Variants in INPP5D observed in about 807,000 individuals in gnomAD.
The protein encoded by INPP5D is inositol polyphosphate-5-phosphatase D.
A neutral mutation model predicts 122.9 loss-of-function variants in INPP5D; 33 were observed. The observed-to-expected ratio is 0.27, with a 90% CI of 0.20 to 0.36. The LOEUF (loss-of-function observed/expected upper bound fraction) is 0.36. INPP5D is among the 10% of genes least tolerant of loss of function. The pLI is 1.00. For missense variants in INPP5D, 1,053 were observed against 1,412.7 expected (o/e 0.75, Z 4.08); for synonymous variants, 584 against 576.2 (o/e 1.01, Z -0.19).
At position 233,170,009 on chromosome 2, in the gene INPP5D, C is replaced by CT; in HGVS notation, c.1653-12dup. The CT allele has an allele frequency of 6.2e-7, 1 of 1,614,004 alleles. No individual in the cohort carries two copies. The highest frequency in any genetic ancestry group is 2.2e-5 in the East Asian group (1 of 44,888). ...CCAGTGACCCCGTGCTAGATGGCCG[C>CT]TTTTTCCTTGCATTAGGCGAAACCA... On this transcript the variant is annotated splice_polypyrimidine_tract_variant and intron_variant, in intron 14 of 26. Coordinates refer to ENST00000445964, the MANE Select transcript of INPP5D (RefSeq NM_001017915.3). This position sits in a 1 kb window ranked among gnomAD's most constrained non-coding sequence, Gnocchi z 4.5.
chr2:233,162,210 G>T (rs1251584309), intron 11 of INPP5D, among the ~76,000 whole-genome samples: 1 of 148,050 alleles, frequency 6.8e-6, no homozygotes. Flanking sequence ...CCTGAGTAGG[G>T]TTGCCAGATT....
At position 233,163,858 on chromosome 2, in the gene INPP5D, C is replaced by G. The variant is rs567362809; in HGVS notation, c.1392C>G (p.Ile464Met). The change falls in exon 12 of 27, where the codon ATC (isoleucine) becomes ATG (methionine). Residue 464 changes from isoleucine to methionine, a missense_variant. Physicochemically the swap from Ile to Met is conservative, Grantham distance 10. This residue lies in a region of INPP5D where 105 missense variants were observed against 199.8 expected (regional missense o/e 0.53). Coordinates refer to ENST00000445964, the MANE Select transcript of INPP5D (RefSeq NM_001017915.3). ...DPLSEKEWLE[I>M]LKHSLQEITS... ...TGAGTGAGAAGGAGTGGCTGGAGAT[C>G]CTCAAACACTCCCTGCAAGAAATCA... is the stretch of plus-strand genomic sequence containing the variant. 1 of 1,613,914 alleles carries G rather than the reference C, an allele frequency of 6.2e-7. No homozygotes were observed. The highest frequency in any genetic ancestry group is 1.3e-5 in the African/African-American group (1 of 75,040).
At chr2:233,146,009 T>G (rs2106278815) in intron 6 of INPP5D, 153 bp from the exon 7 acceptor site, 1 of 702,296 alleles carries the variant, frequency 1.4e-6, no homozygotes, top group Non-Finnish European at 2.6e-6. Flanking sequence ...TAGAGATCCC[T>G]GTGTCCTCAT....
intron 22 of INPP5D, 47 bp from the exon 23 acceptor site, chr2:233,193,765 A>T (rs774260904): frequency 1.2e-6 from 2 of 1,612,954 alleles, no homozygotes; most frequent in Admixed American, 3.3e-5. Flanking sequence ...TGTTTCTGCC[A>T]TGAAAAGGCA....
chr2:233,189,812 TGCC>T lies in INPP5D; in HGVS notation c.2359-37_2359-35del. On this transcript the variant is annotated intron_variant, in intron 21 of 26. Coordinates refer to ENST00000445964, the MANE Select transcript of INPP5D (RefSeq NM_001017915.3). This position sits in a 1 kb window ranked among gnomAD's most constrained non-coding sequence, Gnocchi z 5.6. ...CCCACCTGTCCCCTCACCTGTCCCT[TGCC>T]CATCAACTCCAGTCCTGTGCCCTTC... 6.2e-7 allele frequency: 1 copy of T among 1,606,166 alleles called. No homozygotes were observed. The highest frequency in any genetic ancestry group is 8.5e-7 in the Non-Finnish European group (1 of 1,176,584).
intron 1 of INPP5D, among the ~76,000 whole-genome samples, chr2:233,077,679 A>C (rs1192362650): frequency 6.0e-5 from 9 of 150,664 alleles, no homozygotes; most frequent in South Asian, 2.1e-4. Flanking sequence ...AAAAAAAAAA[A>C]AAAAAAACTC....
intron 2 of INPP5D, among the ~76,000 whole-genome samples, chr2:233,102,088 G>A (rs1297347087): frequency 1.3e-5 from 2 of 152,030 alleles, no homozygotes; most frequent in African/African-American, 2.4e-5. Context: ...CTTCATTCAC[G>A]GCCAAGGAAA....
chr2:233,204,994 G>C, intron 26 of INPP5D: 1 of 442,654 alleles, frequency 2.3e-6, no homozygotes, highest in Non-Finnish European at 3.9e-6. Context: ...GAAAGGCGGG[G>C]CTGTGGATAA....
chr2:233,069,872 C>G (rs1386489924), intron 1 of INPP5D, among the ~76,000 whole-genome samples: 1 of 152,118 alleles, frequency 6.6e-6, no homozygotes, highest in Non-Finnish European at 1.5e-5. Flanking sequence ...GATCGAGGGA[C>G]AGGAATGTTT....
intron 13 of INPP5D, among the ~76,000 whole-genome samples, chr2:233,168,379 T>C (rs888730745): frequency 6.6e-6 from 1 of 152,258 alleles, no homozygotes; most frequent in Admixed American, 6.5e-5. Flanking sequence ...TGTGCCTGTA[T>C]TGGACAGAGC....
chr2:233,179,792 A>G (rs1694737749), intron 18 of INPP5D, among the ~76,000 whole-genome samples: 1 of 152,262 alleles, frequency 6.6e-6, no homozygotes, highest in African/African-American at 2.4e-5. Context: ...TCCAGAGCTC[A>G]GGAAACAGGG....
intron 2 of INPP5D, among the ~76,000 whole-genome samples, chr2:233,113,985 A>G (rs965243403): frequency 7.0e-6 from 1 of 142,182 alleles, no homozygotes. Context: ...ATCTCAGCTC[A>G]CTGCAAGCTC....
At chr2:233,091,807 A>AT (rs1692001925) in intron 2 of INPP5D, among the ~76,000 whole-genome samples, 1 of 152,188 alleles carries the variant, frequency 6.6e-6, no homozygotes, top group African/African-American at 2.4e-5. Context: ...TTGATTCTGT[A>AT]TTGACTCACT....
intron 2 of INPP5D, among the ~76,000 whole-genome samples, chr2:233,111,365 CGCACACACACACAT>C (rs1214325374): frequency 1.3e-5 from 2 of 152,138 alleles, no homozygotes; most frequent in Admixed American, 6.6e-5. Flanking sequence ...CACACACACA[CGCACACACACACAT>C]ATAATTTCCC....
rs1574802658 is a variant in INPP5D, at chr2:233,195,430, T to G, written c.2628T>G (p.Ser876Arg). Residue 876 changes from serine to arginine, a missense_variant, in exon 24 of 27, where the codon AGT (serine) becomes AGG (arginine). Ser to Arg is a moderately radical substitution (Grantham distance 110). Coordinates refer to ENST00000445964, the MANE Select transcript of INPP5D (RefSeq NM_001017915.3). ...DFVKTERDES[S>R]GPKTLKSLTS... ...TGAAGACGGAGCGTGATGAATCCAG[T>G]GGGCCAAAGACCCTGAAGAGCCTCA... 6.2e-7 allele frequency: 1 copy of G among 1,610,618 alleles called. No homozygotes were observed. Among genetic ancestry groups the G allele is most frequent in the Non-Finnish European group, 8.5e-7 (1 of 1,178,070 alleles).
intron 10 of INPP5D, among the ~76,000 whole-genome samples, chr2:233,161,479 C>T (rs374647977): frequency 1.3e-5 from 2 of 152,260 alleles, no homozygotes; most frequent in African/African-American, 2.4e-5. Context: ...GCTGCAGAGC[C>T]GTGACAGGGT....
intron 23 of INPP5D, among the ~76,000 whole-genome samples, chr2:233,194,699 C>A (rs772511473): frequency 3.9e-5 from 6 of 152,110 alleles, no homozygotes; most frequent in Non-Finnish European, 8.8e-5. Flanking sequence ...GGTTTCACCA[C>A]GTTGACTAGG....
intron 6 of INPP5D, among the ~76,000 whole-genome samples, chr2:233,142,314 G>C (rs1693650616): frequency 6.6e-6 from 1 of 152,194 alleles, no homozygotes; most frequent in African/African-American, 2.4e-5. Flanking sequence ...AGGGAGTTGA[G>C]GCTGCCTTGA....
intron 9 of INPP5D, among the ~76,000 whole-genome samples, chr2:233,148,044 C>G (rs1268369343): frequency 1.3e-5 from 2 of 152,210 alleles, no homozygotes. Flanking sequence ...TAGGCTAGAG[C>G]CCAGCATGTA....
Sources: gnomAD v4.1 joint callset for allele counts (sites outside exome capture counted in the v4.1 genomes callset) on GRCh38, gnomAD v4.1.1 for gene constraint, gnomAD v4.1.1 regional missense constraint, Gnocchi (gnomAD v3.1) non-coding constraint, MANE v1.5 for transcripts, NCBI Gene and HGNC (gene_info 2026-07-23, HGNC 2026-07-21) for gene names.